Variants in ZBTB7C observed in about 807,000 individuals in gnomAD.
ZBTB7C encodes zinc finger and BTB domain containing 7C, also known as zinc finger and BTB domain-containing protein 7C.
ZBTB7C carries 8 observed loss-of-function variants against 25.7 expected under a neutral mutation model. The observed-to-expected ratio is 0.31, with a 90% CI of 0.18 to 0.56. The LOEUF is 0.56. ZBTB7C is among the 20% of genes least tolerant of loss of function. The pLI is 0.91. For synonymous variants in ZBTB7C, 394 were observed against 369.0 expected, an observed-to-expected ratio of 1.07 and a Z score of -0.78; for missense variants, 824 against 855.2, an observed-to-expected ratio of 0.96 and a Z score of 0.46.
chr18:48,308,797 A>G (rs750296473), intron 2 of ZBTB7C, among the ~76,000 whole-genome samples: 1 of 152,156 alleles, frequency 6.6e-6, no homozygotes, highest in Non-Finnish European at 1.5e-5. Context: ...TCAACTGGGA[A>G]CTTGATGGGG....
intron 3 of ZBTB7C, among the ~76,000 whole-genome samples, chr18:48,177,806 T>C (rs2041734955): frequency 6.6e-6 from 1 of 152,118 alleles, no homozygotes; most frequent in African/African-American, 2.4e-5. Flanking sequence ...CGGGCTCCCT[T>C]GCCTCTGGCC....
intron 3 of ZBTB7C, among the ~76,000 whole-genome samples, chr18:48,183,299 G>A (rs1463556027): frequency 6.6e-6 from 1 of 152,172 alleles, no homozygotes; most frequent in East Asian, 1.9e-4. Flanking sequence ...AGTCTTGTTG[G>A]TTGTAGACTA....
chr18:48,181,705 C>T (rs924202609), intron 3 of ZBTB7C, among the ~76,000 whole-genome samples: 2 of 152,210 alleles, frequency 1.3e-5, no homozygotes, highest in Non-Finnish European at 2.9e-5. Context: ...AGCCCAGTCA[C>T]CCCCTTACTC....
intron 1 of ZBTB7C, among the ~76,000 whole-genome samples, chr18:48,377,365 A>G (rs914615136): frequency 6.6e-6 from 1 of 152,208 alleles, no homozygotes; most frequent in Non-Finnish European, 1.5e-5. Flanking sequence ...ATAAATGCAA[A>G]GTCTATGTGA....
At position 48,036,837 on chromosome 18, in the gene ZBTB7C, G is replaced by A. The variant is rs546824063; in HGVS notation, c.1208+3063C>T. On this transcript the variant is annotated intron_variant, in intron 4 of 4. Transcript: ENST00000590800. ...GAATTCAGCCAAAAATAAGGTCCCC[G>A]TGGAAAGGCTGCAGGGAGCCTTGGC... Among the ~76,000 whole-genome samples, 26 of 152,312 alleles carry A rather than the reference G, an allele frequency of 1.7e-4. 2 individuals carry two copies. In the South Asian group the frequency reaches 4.4e-3, roughly 26 times the overall value.
chr18:48,300,576 C>T (rs113475844), intron 2 of ZBTB7C, among the ~76,000 whole-genome samples: 4 of 152,196 alleles, frequency 2.6e-5, no homozygotes, highest in Non-Finnish European at 5.9e-5. Context: ...AGGGAGGCTC[C>T]CTAGAAGAGG....
intron 3 of ZBTB7C, among the ~76,000 whole-genome samples, chr18:48,184,751 C>G (rs1230911933): frequency 1.3e-5 from 2 of 152,054 alleles, no homozygotes; most frequent in Non-Finnish European, 2.9e-5. Flanking sequence ...GCCAGGAGCT[C>G]AAGATGTGGC....
chr18:48,363,338 T>A (rs2047153917), intron 1 of ZBTB7C, among the ~76,000 whole-genome samples: 1 of 152,060 alleles, frequency 6.6e-6, no homozygotes, highest in South Asian at 2.1e-4. Flanking sequence ...GTCCCGGAGT[T>A]GGAATGTGGA....
intron 2 of ZBTB7C, among the ~76,000 whole-genome samples, chr18:48,290,851 A>G (rs1271105036): frequency 2.0e-5 from 3 of 152,188 alleles, no homozygotes; most frequent in Non-Finnish European, 4.4e-5. Flanking sequence ...CCTCTTCCAC[A>G]TAGGTGTTAT....
chr18:48,109,329 T>C (rs1308064286), intron 3 of ZBTB7C, among the ~76,000 whole-genome samples: 1 of 152,194 alleles, frequency 6.6e-6, no homozygotes, highest in African/African-American at 2.4e-5. Context: ...TCTAGAGCCC[T>C]TTCCCTTTCT....
At chr18:48,148,814 A>G (rs750138140) in intron 3 of ZBTB7C, 6 of 152,232 alleles carry the variant, frequency 3.9e-5, no homozygotes, top group Admixed American at 6.6e-5. Flanking sequence ...TTATGTAAGT[A>G]ATCAGGCCAA....
chr18:48,057,873 G>A (rs1452644770), intron 3 of ZBTB7C, among the ~76,000 whole-genome samples: 1 of 152,186 alleles, frequency 6.6e-6, no homozygotes, highest in African/African-American at 2.4e-5. Flanking sequence ...CTGCCATCAG[G>A]TGCTGTAGGA....
At chr18:48,295,601 G>A (rs1456247512) in intron 2 of ZBTB7C, among the ~76,000 whole-genome samples, 1 of 151,972 alleles carries the variant, frequency 6.6e-6, no homozygotes, top group African/African-American at 2.4e-5. Context: ...CCCACCCGCT[G>A]CCACACACAA....
intron 1 of ZBTB7C, among the ~76,000 whole-genome samples, chr18:48,407,272 A>C (rs1475721850): frequency 1.3e-5 from 2 of 152,260 alleles, no homozygotes; most frequent in Non-Finnish European, 2.9e-5. Context: ...TGGGTGCTTC[A>C]GTGAAAAAAA....
chr18:48,407,355 G>A (rs1449225457), intron 1 of ZBTB7C, among the ~76,000 whole-genome samples: 2 of 152,228 alleles, frequency 1.3e-5, no homozygotes, highest in Non-Finnish European at 2.9e-5. Context: ...GGATAATGAG[G>A]GAGCAGGAAA....
chr18:48,132,172 TG>T (rs1181241300), intron 3 of ZBTB7C, among the ~76,000 whole-genome samples: 2 of 152,220 alleles, frequency 1.3e-5, no homozygotes, highest in African/African-American at 4.8e-5. Flanking sequence ...TTACCCATTA[TG>T]GGTAAATATA....
Position 48,029,595 on chromosome 18 carries a change from G to A in ZBTB7C, c.1525C>T (p.Pro509Ser). Residue 509 changes from proline (P) to serine (S), a missense_variant, in exon 5 of 5, where the codon CCT becomes TCT. Physicochemically the swap from Pro to Ser is moderately conservative, Grantham distance 74. Coordinates refer to ENST00000590800, the MANE Select transcript of ZBTB7C (RefSeq NM_001318841.2). ...APDKAAFVMPPALGEVGGHLG... is the reference protein window; with the variant it reads ...APDKAAFVMPSALGEVGGHLG... ...TGGCCGCCCACCTCGCCCAGCGCAG[G>A]GGGCATCACGAAGGCCGCCTTGTCG... The A allele has an allele frequency of 6.7e-7, 1 of 1,490,332 alleles. No individual in the cohort carries two copies. The highest frequency in any genetic ancestry group is 1.3e-5 in the South Asian group (1 of 74,906). 92.3% of individuals were successfully genotyped at this position (1,490,332 alleles called of 1,614,324 possible). A position where few individuals can be genotyped will look rare whatever the true frequency, so the allele number is the denominator to read the frequency against.
At chr18:48,137,262 GACGATCTCACCACTCGCGCGTT>G in intron 3 of ZBTB7C, 1 of 985,486 alleles carries the variant, frequency 1.0e-6, no homozygotes, top group Non-Finnish European at 1.2e-6. Context: ...CGCAGGACAG[GACGATCTCACCACTCGCGCGTT>G]ACGCTTCACT....
At chr18:48,311,618 G>T (rs746703612) in intron 2 of ZBTB7C, among the ~76,000 whole-genome samples, 3 of 151,248 alleles carry the variant, frequency 2.0e-5, no homozygotes, top group Non-Finnish European at 4.4e-5. Flanking sequence ...AAAGCAATGT[G>T]CCCAATAATA....
Sources: gnomAD v4.1 joint callset for allele counts (sites outside exome capture counted in the v4.1 genomes callset) on GRCh38, gnomAD v4.1.1 for gene constraint, MANE v1.5 for transcripts, NCBI Gene and HGNC (gene_info 2026-07-23, HGNC 2026-07-21) for gene names.